Variants in APPL2 observed in about 807,000 individuals in gnomAD.
The protein encoded by APPL2 is adaptor protein, phosphotyrosine interacting with PH domain and leucine zipper 2.
A neutral mutation model predicts 92.7 loss-of-function variants in APPL2; 84 were observed. The observed-to-expected ratio is 0.91, with a 90% CI of 0.76 to 1.09. The LOEUF (loss-of-function observed/expected upper bound fraction) is 1.09, where lower values mean the gene tolerates loss of function less well. APPL2 is among the 50% of genes least tolerant of loss of function. APPL2 has a pLI of 0.00. For missense variants in APPL2, 736 were observed against 824.5 expected, an observed-to-expected ratio of 0.89 and a Z score of 1.31; for synonymous variants, 291 against 291.0, an observed-to-expected ratio of 1.00 and a Z score of 0.00.
chr12:105,199,557 T>C lies in APPL2; in HGVS notation c.705-26A>G, dbSNP rs769466504. ...CTTAAGACAGAAGGTGTTGGGTCAG[T>C]TACTCACTGCTGGCCAACCCAGCAC... is the stretch of plus-strand genomic sequence containing the variant. On this transcript the variant is annotated intron_variant, in intron 9 of 20. Transcript: ENST00000258530. The C allele has an allele frequency of 1.9e-6, 3 of 1,607,366 alleles. No individual in the cohort carries two copies. The Admixed American group carries it at 5.0e-5, about 27-fold the overall frequency.
At chr12:105,230,279 T>C (rs1280629292) in intron 1 of APPL2, among the ~76,000 whole-genome samples, 1 of 152,134 alleles carries the variant, frequency 6.6e-6, no homozygotes, top group East Asian at 1.9e-4. Context: ...CTGAAAGGCA[T>C]TTCCTATCAT....
chr12:105,181,046 C>T lies in APPL2; in HGVS notation c.1635-3784G>A, dbSNP rs191746709. Among the ~76,000 whole-genome samples, 622 of 152,284 alleles carry T rather than the reference C, an allele frequency of 4.1e-3. 7 individuals are homozygous for T. Among genetic ancestry groups the T allele is most frequent in the South Asian group, 0.023 (110 of 4,828 alleles). On this transcript the variant is annotated intron_variant, in intron 17 of 20. Transcript: ENST00000258530. ...GGCATCCTTGTCTTGTGCTAATTTT[C>T]AAAGGGAATGCTTCCAGTTTTTGCC...
intron 1 of APPL2, among the ~76,000 whole-genome samples, chr12:105,232,687 C>T (rs1891009055): frequency 6.6e-6 from 1 of 150,780 alleles, no homozygotes; most frequent in Non-Finnish European, 1.5e-5. Context: ...TCGCTTGAGC[C>T]CAGGAGGCTG....
chr12:105,211,237 A>G lies in APPL2; in HGVS notation c.366T>C (p.Asp122=), dbSNP rs1431815134. 1 of 1,612,008 alleles carries G rather than the reference A, an allele frequency of 6.2e-7. No individual in the cohort carries two copies. Among genetic ancestry groups the G allele is most frequent in the South Asian group, 1.1e-5 (1 of 91,014 alleles). ...VLPIIQFREK[D]LTEVSTLKDL... is the part of the protein sequence containing the mutation. Reference sequence around the variant, plus strand: ...TGAACTCAGTTACTTTACCTGTGAGATCCTTTTCTCGGAATTGTATGATAG... The same window carrying G: ...TGAACTCAGTTACTTTACCTGTGAGGTCCTTTTCTCGGAATTGTATGATAG... The change falls in exon 5 of 21, where the codon GAT becomes GAC. Residue 122 remains aspartate (D), a synonymous_variant. Coordinates refer to ENST00000258530, the MANE Select transcript of APPL2 (RefSeq NM_018171.5).
intron 2 of APPL2, among the ~76,000 whole-genome samples, chr12:105,220,797 G>A (rs1216528273): frequency 6.6e-6 from 1 of 152,232 alleles, no homozygotes; most frequent in African/African-American, 2.4e-5. Flanking sequence ...CACTCACACA[G>A]CCACACAGCT....
At chr12:105,225,348 A>G (rs1009430312) in intron 2 of APPL2, among the ~76,000 whole-genome samples, 2 of 152,192 alleles carry the variant, frequency 1.3e-5, no homozygotes, top group African/African-American at 4.8e-5. Flanking sequence ...TCAGTACAAC[A>G]GCTGAGAGGA....
intron 5 of APPL2, among the ~76,000 whole-genome samples, chr12:105,208,513 T>C (rs1888948718): frequency 6.6e-6 from 1 of 152,202 alleles, no homozygotes; most frequent in Non-Finnish European, 1.5e-5. Context: ...GTACTTTTCA[T>C]GGAGACCTGG....
chr12:105,190,010 C>G lies in APPL2; in HGVS notation c.1387G>C (p.Asp463His). ...DIVLPATEFL[D>H]QNRGSRRTNP... is the part of the protein sequence containing the mutation. ...CCATACCTGCTCCCTCTGTTCTGAT[C>G]AAGGAATTCTGTAGCAGGAAGCACA... Residue 463 changes from aspartate to histidine, a missense_variant, in exon 15 of 21, where the codon GAT becomes CAT. By Grantham distance (81) the Asp-to-His change is moderately conservative (BLOSUM62 -1). Coordinates refer to ENST00000258530, the MANE Select transcript of APPL2 (RefSeq NM_018171.5). 6.2e-7 allele frequency: 1 copy of G among 1,614,126 alleles called. No individual in the cohort carries two copies. The highest frequency in any genetic ancestry group is 1.3e-5 in the African/African-American group (1 of 75,040).
rs766771930 is a variant in APPL2 at position 105,174,444 on chromosome 12, G to C, written c.1865C>G (p.Pro622Arg). ...GKEIIEVQKD[P>R]EALAQLMLSI... ...CAGCATTAATTGAGCCAGTGCTTCT[G>C]GATCCTGAAGTTAGGAGAGTTTAAA... Residue 622 changes from proline (P) to arginine (R), a missense_variant, in exon 21 of 21, where the codon CCA (proline) becomes CGA (arginine). Transcript: ENST00000258530. 22 of 1,612,190 alleles carry C rather than the reference G, an allele frequency of 1.4e-5. No individual in the cohort carries two copies. The highest frequency in any genetic ancestry group is 1.6e-5 in the Non-Finnish European group (19 of 1,179,272).
Position 105,174,434 on chromosome 12 carries a change from C to T in APPL2, c.1875G>A (p.Leu625=), listed in dbSNP as rs200364207. 12 of 1,612,718 alleles carry T rather than the reference C, an allele frequency of 7.4e-6. No individual in the cohort carries two copies. The East Asian group carries it at 1.3e-4, about 18-fold the overall frequency. ...GTGGTATGGACAGCATTAATTGAGCCAGTGCTTCTGGATCCTGAAGTTAGG... is the reference window on the plus strand; with the variant it reads ...GTGGTATGGACAGCATTAATTGAGCTAGTGCTTCTGGATCCTGAAGTTAGG... ...IIEVQKDPEA[L]AQLMLSIPLT... The change falls in exon 21 of 21, where the codon CTG becomes CTA. Residue 625 remains leucine (L), a synonymous_variant. Coordinates refer to ENST00000258530, the MANE Select transcript of APPL2 (RefSeq NM_018171.5).
At position 105,217,723 on chromosome 12, in the gene APPL2, A is replaced by C. The variant is rs752130846; in HGVS notation, c.156T>G (p.Asn52Lys). The change falls in exon 3 of 21, where the codon AAT (asparagine) becomes AAG (lysine). Residue 52 changes from asparagine (N) to lysine (K), a missense_variant and splice_region_variant. Physicochemically the swap from Asn to Lys is moderately conservative, Grantham distance 94. Transcript: ENST00000258530. ...QAMQRVYGAQ[N>K]EMCLATQQLS... ...GCTGTTGTGTGGCCAGGCACATCTC[A>C]TTCTGTGGAGAGAAGAGAAAAAGCA... The C allele has an allele frequency of 3.7e-6, 6 of 1,613,724 alleles. No individual in the cohort carries two copies. The South Asian group carries it at 5.5e-5, about 15-fold the overall frequency.
At position 105,176,931 on chromosome 12, in the gene APPL2, G is replaced by A; in HGVS notation, c.1757C>T (p.Thr586Ile). Residue 586 changes from threonine (T) to isoleucine (I), a missense_variant, in exon 19 of 21, where the codon ACT becomes ATT. By Grantham distance (89) the Thr-to-Ile change is moderately conservative. Coordinates refer to ENST00000258530, the MANE Select transcript of APPL2 (RefSeq NM_018171.5). ...GTATGTACTCAGAGATTCTTCTCCA[G>A]TGGATTCAGGAACACGGATGACAAA... ...VGFVIRVPES[T>I]GEESLSTYIF... 6.2e-7 allele frequency: 1 copy of A among 1,614,108 alleles called. No individual in the cohort carries two copies.
At chr12:105,192,131 CT>C (rs1887257845) in intron 14 of APPL2, among the ~76,000 whole-genome samples, 1 of 152,156 alleles carries the variant, frequency 6.6e-6, no homozygotes, top group Non-Finnish European at 1.5e-5. Flanking sequence ...AGGTGTTCAG[CT>C]CCAACTGAAG....
At chr12:105,216,720 T>C (rs2136045108) in intron 4 of APPL2, among the ~76,000 whole-genome samples, 1 of 152,368 alleles carries the variant, frequency 6.6e-6, no homozygotes, top group South Asian at 2.1e-4. Flanking sequence ...CCTTCTGGCC[T>C]ACAGCACACT....
At chr12:105,201,296 C>T (rs1360843205) in intron 9 of APPL2, among the ~76,000 whole-genome samples, 1 of 152,174 alleles carries the variant, frequency 6.6e-6, no homozygotes, top group East Asian at 1.9e-4. Context: ...GGCCTTAAGA[C>T]AGGTAAGCTA....
chr12:105,223,862 T>A (rs2136071945), intron 2 of APPL2, among the ~76,000 whole-genome samples: 1 of 152,252 alleles, frequency 6.6e-6, no homozygotes, highest in South Asian at 2.1e-4. Flanking sequence ...CATGATTAAC[T>A]CACAAGAACC....
chr12:105,200,841 T>C (rs1888106343), intron 9 of APPL2, among the ~76,000 whole-genome samples: 1 of 76,778 alleles, frequency 1.3e-5, no homozygotes, highest in African/African-American at 6.0e-5. Flanking sequence ...CGTATGTATG[T>C]ATGTATGTAT....
At chr12:105,176,004 G>A (rs769931180) in intron 20 of APPL2, 31 bp downstream of exon 20, 5 of 1,538,170 alleles carry the variant, frequency 3.3e-6, no homozygotes, top group Non-Finnish European at 4.4e-6. Flanking sequence ...GTTTTGAGTA[G>A]CTACTAAACC....
chr12:105,206,976 C>T (rs572980291), intron 8 of APPL2, 85 bp downstream of exon 8: 16 of 1,496,750 alleles, frequency 1.1e-5, no homozygotes, highest in African/African-American at 8.4e-5. Context: ...CTTTCTACGA[C>T]GATGCTTCAG....
Sources: allele counts gnomAD v4.1 joint callset (sites outside exome capture counted in the v4.1 genomes callset), GRCh38; gene constraint gnomAD v4.1.1; transcripts MANE v1.5; gene names NCBI Gene and HGNC (gene_info 2026-07-23, HGNC 2026-07-21).